PRKD1: variants seen among roughly 807,000 people sequenced by gnomAD.
PRKD1 encodes serine/threonine-protein kinase D1.
A neutral mutation model predicts 95.9 loss-of-function variants in PRKD1; 63 were observed. The ratio of observed to expected loss-of-function variants is 0.66; its 90% confidence interval spans 0.54 to 0.81. The LOEUF is 0.81. Ranked by LOEUF, PRKD1 falls within the 30% of genes least tolerant of loss-of-function variation. PRKD1 has a pLI of 0.00. For missense variants in PRKD1, 1,048 were observed against 1,165.3 expected, an observed-to-expected ratio of 0.90 and a Z score of 1.47; for synonymous variants, 425 against 423.1, an observed-to-expected ratio of 1.00 and a Z score of -0.05.
At chr14:29,724,799 A>G (rs766136818) in intron 2 of PRKD1, among the ~76,000 whole-genome samples, 2 of 152,226 alleles carry the variant, frequency 1.3e-5, no homozygotes, top group African/African-American at 2.4e-5. Context: ...TTCTCTTTTT[A>G]ACAAAAATAA....
At chr14:29,852,079 A>C (rs1892330550) in intron 1 of PRKD1, among the ~76,000 whole-genome samples, 1 of 152,112 alleles carries the variant, frequency 6.6e-6, no homozygotes, top group Admixed American at 6.6e-5. Flanking sequence ...GGAGACTACA[A>C]GGCGGGAAAT....
At chr14:29,691,603 T>G (rs1884238583) in intron 2 of PRKD1, among the ~76,000 whole-genome samples, 1 of 152,088 alleles carries the variant, frequency 6.6e-6, no homozygotes, top group Non-Finnish European at 1.5e-5. Context: ...AAGTAACAAT[T>G]ATTAGGTTGG....
In PRKD1 at chr14:29,809,143, T is replaced by C. The variant is rs1380391320; in HGVS notation, c.265-83469A>G. On this transcript the variant is annotated intron_variant, in intron 1 of 17. Coordinates refer to ENST00000331968, the MANE Select transcript of PRKD1 (RefSeq NM_002742.3). ...AACAATATTTTGAAAGGAATCTTTT[T>C]TATCTGAATGGTAAGTCTTAACCGT... Among the ~76,000 whole-genome samples the C allele has an allele frequency of 2.6e-5, 4 of 152,232 alleles. No individual in the cohort carries two copies. The East Asian group carries it at 7.7e-4, about 29-fold the overall frequency.
chr14:29,798,673 C>T (rs950319142), intron 1 of PRKD1, among the ~76,000 whole-genome samples: 2 of 152,292 alleles, frequency 1.3e-5, no homozygotes, highest in African/African-American at 2.4e-5. Flanking sequence ...CTAGTCTACA[C>T]TAAATTGTAC....
At chr14:29,896,942 C>T (rs1400764242) in intron 1 of PRKD1, among the ~76,000 whole-genome samples, 5 of 151,670 alleles carry the variant, frequency 3.3e-5, no homozygotes, top group African/African-American at 9.7e-5. Context: ...AAATATTTTT[C>T]CTTTCAAAAG....
At chr14:29,805,224 A>T (rs1415531494) in intron 1 of PRKD1, among the ~76,000 whole-genome samples, 1 of 152,222 alleles carries the variant, frequency 6.6e-6, no homozygotes, top group Non-Finnish European at 1.5e-5. Context: ...CAAGATGTTG[A>T]ACTCCATTAG....
At chr14:29,683,263 T>C (rs747151661) in intron 2 of PRKD1, among the ~76,000 whole-genome samples, 2 of 152,110 alleles carry the variant, frequency 1.3e-5, no homozygotes, top group Non-Finnish European at 2.9e-5. Flanking sequence ...ACGATTAATA[T>C]GGCGAGAATT....
intron 2 of PRKD1, among the ~76,000 whole-genome samples, chr14:29,697,795 CT>C (rs1884611885): frequency 1.3e-5 from 2 of 152,022 alleles, no homozygotes; most frequent in Admixed American, 1.3e-4. Context: ...TAATGTATTC[CT>C]GTTTGACATA....
At chr14:29,584,232 G>A (rs2138963303) in intron 16 of PRKD1, among the ~76,000 whole-genome samples, 1 of 152,092 alleles carries the variant, frequency 6.6e-6, no homozygotes, top group East Asian at 1.9e-4. Flanking sequence ...AAACTATACT[G>A]CAGTCATTCT....
intron 1 of PRKD1, among the ~76,000 whole-genome samples, chr14:29,847,641 T>A (rs1892133586): frequency 6.6e-6 from 1 of 152,186 alleles, no homozygotes; most frequent in South Asian, 2.1e-4. Flanking sequence ...AGGATTCAGT[T>A]ATGCTCAAAC....
intron 1 of PRKD1, among the ~76,000 whole-genome samples, chr14:29,783,709 G>C (rs372836008): frequency 6.6e-6 from 1 of 152,140 alleles, no homozygotes; most frequent in East Asian, 1.9e-4. Flanking sequence ...ATCTCACTGT[G>C]GTTTTGATTT....
At chr14:29,918,223 A>G (rs1195429111) in intron 1 of PRKD1, among the ~76,000 whole-genome samples, 5 of 152,174 alleles carry the variant, frequency 3.3e-5, no homozygotes, top group Admixed American at 2.6e-4. Context: ...CATAGTATAT[A>G]TAATTTTTAT....
chr14:29,740,576 TC>T (rs1178491134), intron 1 of PRKD1, among the ~76,000 whole-genome samples: 3 of 152,178 alleles, frequency 2.0e-5, no homozygotes, highest in Non-Finnish European at 2.9e-5. Flanking sequence ...TGGCCAAATG[TC>T]CAGCAAACAG....
chr14:29,634,716 T>G (rs999011661), intron 7 of PRKD1, among the ~76,000 whole-genome samples, 175 bp from the exon 8 acceptor site: 3 of 151,918 alleles, frequency 2.0e-5, no homozygotes, highest in African/African-American at 7.3e-5. Context: ...CTCTGAAGAG[T>G]GATAGGCACG....
chr14:29,672,122 C>T (rs1882882825), intron 2 of PRKD1, among the ~76,000 whole-genome samples: 1 of 151,900 alleles, frequency 6.6e-6, no homozygotes, highest in East Asian at 1.9e-4. Flanking sequence ...GCAGGCAGAT[C>T]ACGAGGTCAG....
intron 2 of PRKD1, among the ~76,000 whole-genome samples, chr14:29,690,057 A>G (rs769040729): frequency 2.6e-5 from 4 of 152,198 alleles, no homozygotes; most frequent in Non-Finnish European, 5.9e-5. Context: ...ACAGCAAATC[A>G]CCATGGCACG....
chr14:29,794,491 TTTAC>T (rs1889721121), intron 1 of PRKD1, among the ~76,000 whole-genome samples: 1 of 152,084 alleles, frequency 6.6e-6, no homozygotes, highest in Non-Finnish European at 1.5e-5. Context: ...TGTACAGTGA[TTTAC>T]TTATTTATTT....
At chr14:29,839,366 C>A (rs1312046324) in intron 1 of PRKD1, among the ~76,000 whole-genome samples, 1 of 152,194 alleles carries the variant, frequency 6.6e-6, no homozygotes, top group African/African-American at 2.4e-5. Context: ...CATGGTACCA[C>A]CAGTACTATC....
chr14:29,637,284 C>T (rs1880450643), intron 6 of PRKD1, among the ~76,000 whole-genome samples: 1 of 152,154 alleles, frequency 6.6e-6, no homozygotes. Flanking sequence ...TTAAATTGGT[C>T]ACATAGCTGC....
Sources: gnomAD v4.1 joint callset for allele counts (sites outside exome capture counted in the v4.1 genomes callset) on GRCh38, gnomAD v4.1.1 for gene constraint, MANE v1.5 for transcripts, NCBI Gene and HGNC (gene_info 2026-07-23, HGNC 2026-07-21) for gene names.